CPE: variants seen among roughly 807,000 people sequenced by gnomAD.
CPE encodes the protein carboxypeptidase E.
CPE carries 17 observed loss-of-function variants against 53.5 expected under a neutral mutation model. The ratio of observed to expected loss-of-function variants is 0.32; its 90% confidence interval spans 0.22 to 0.48. The LOEUF (loss-of-function observed/expected upper bound fraction) is 0.48, where lower values mean the gene tolerates loss of function less well. Ranked by LOEUF, CPE falls within the 20% of genes least tolerant of loss-of-function variation. CPE has a pLI of 0.99. For synonymous variants in CPE, 226 were observed against 228.8 expected (o/e 0.99, Z 0.11); for missense variants, 524 against 614.7 (o/e 0.85, Z 1.56).
At chr4:165,485,932 T>C (rs1201704481) in intron 5 of CPE, among the ~76,000 whole-genome samples, 1 of 151,902 alleles carries the variant, frequency 6.6e-6, no homozygotes, top group African/African-American at 2.4e-5. Context: ...TGTAGGGAAG[T>C]GAGGGAAGCA....
chr4:165,421,235 G>A (rs1333864322), intron 1 of CPE, among the ~76,000 whole-genome samples: 1 of 152,130 alleles, frequency 6.6e-6, no homozygotes, highest in East Asian at 1.9e-4. Flanking sequence ...AGTAGGATTT[G>A]GAGTCTTCGT....
chr4:165,450,149 A>AT (rs1731784255), intron 1 of CPE, among the ~76,000 whole-genome samples: 1 of 152,100 alleles, frequency 6.6e-6, no homozygotes, highest in Admixed American at 6.6e-5. Context: ...TCTTAATATT[A>AT]TTTTTAGTTT....
chr4:165,386,582 G>A (rs917273217), intron 1 of CPE, among the ~76,000 whole-genome samples: 3 of 152,170 alleles, frequency 2.0e-5, no homozygotes, highest in African/African-American at 7.2e-5. Flanking sequence ...TTGCATAATG[G>A]AGAAATATAC....
chr4:165,406,990 G>A (rs1730964048), intron 1 of CPE, among the ~76,000 whole-genome samples: 4 of 152,152 alleles, frequency 2.6e-5, no homozygotes. Flanking sequence ...TTCATCAGTT[G>A]ATAGACATCT....
In CPE at chr4:165,480,113, A is replaced by G. The variant is rs1470216014; in HGVS notation, c.673-2129A>G. Among the ~76,000 whole-genome samples, 6 of 152,290 alleles carry G rather than the reference A, an allele frequency of 3.9e-5. No individual in the cohort carries two copies. The East Asian group carries it at 7.7e-4, about 20-fold the overall frequency. ...AAAAAACTTCTAGTTTTATTAGTTA[A>G]TTAAAATAATGCAAACTTTAAAAAT... On this transcript the variant is annotated intron_variant, in intron 3 of 8. Transcript: ENST00000402744.
chr4:165,381,135 CT>C (rs1730499718), intron 1 of CPE: 1 of 390,544 alleles, frequency 2.6e-6, no homozygotes, highest in South Asian at 1.9e-5. Context: ...TAATGTTTAA[CT>C]TTTTGTTGTT....
intron 1 of CPE, among the ~76,000 whole-genome samples, chr4:165,389,498 C>G (rs1457918412): frequency 1.3e-5 from 2 of 152,154 alleles, no homozygotes; most frequent in East Asian, 1.9e-4. Context: ...AACAGTTGGG[C>G]TAACTTTGCC....
At chr4:165,489,589 G>A (rs1732565782) in intron 6 of CPE, among the ~76,000 whole-genome samples, 2 of 152,148 alleles carry the variant, frequency 1.3e-5, no homozygotes, top group African/African-American at 2.4e-5. Context: ...TTGGAGCCGG[G>A]CTATAAGATT....
chr4:165,423,001 A>G (rs59831445), intron 1 of CPE, among the ~76,000 whole-genome samples: 40,522 of 143,022 alleles, frequency 0.28, 6,100 homozygotes, highest in Middle Eastern at 0.39. Flanking sequence ...AAAAAAAGAT[A>G]TACACTGGGT....
chr4:165,419,972 T>G (rs1389037225), intron 1 of CPE, among the ~76,000 whole-genome samples: 2 of 152,204 alleles, frequency 1.3e-5, no homozygotes, highest in Admixed American at 6.5e-5. Context: ...TGCCTTTTTT[T>G]CAAATATGAA....
chr4:165,439,900 T>A, intron 1 of CPE, among the ~76,000 whole-genome samples: 1 of 152,174 alleles, frequency 6.6e-6, no homozygotes, highest in Admixed American at 6.6e-5. Flanking sequence ...ACTCCCCAGA[T>A]CAGCTCGTGA....
intron 1 of CPE, among the ~76,000 whole-genome samples, chr4:165,457,407 C>G (rs1205205467): frequency 1.3e-5 from 2 of 152,210 alleles, no homozygotes; most frequent in East Asian, 1.9e-4. Flanking sequence ...CAAATACTTT[C>G]ATTTCAGAAA....
intron 1 of CPE, among the ~76,000 whole-genome samples, chr4:165,448,361 T>C (rs1487250540): frequency 1.3e-5 from 2 of 152,198 alleles, no homozygotes; most frequent in African/African-American, 4.8e-5. Context: ...CACAAGAACA[T>C]GCAAGAACAA....
chr4:165,423,102 C>T, intron 1 of CPE, among the ~76,000 whole-genome samples: 1 of 151,912 alleles, frequency 6.6e-6, no homozygotes, highest in East Asian at 1.9e-4. Context: ...GTAAGTCTTT[C>T]CAAAGGAAGC....
chr4:165,490,880 A>G (rs1440126973), intron 6 of CPE, among the ~76,000 whole-genome samples: 5 of 152,184 alleles, frequency 3.3e-5, no homozygotes, highest in African/African-American at 1.2e-4. Flanking sequence ...TGAAACTGAG[A>G]TGTCCTGGAA....
chr4:165,496,342 A>T (rs533895236), intron 8 of CPE, among the ~76,000 whole-genome samples: 3 of 152,352 alleles, frequency 2.0e-5, no homozygotes, highest in South Asian at 4.1e-4. Context: ...TGATTTATGC[A>T]AACAAAATAT....
intron 1 of CPE, among the ~76,000 whole-genome samples, chr4:165,407,820 T>C (rs1045810956): frequency 9.9e-5 from 15 of 151,984 alleles, no homozygotes; most frequent in Non-Finnish European, 1.9e-4. Context: ...CCTCCCAAAA[T>C]GTTGGGATTA....
intron 3 of CPE, among the ~76,000 whole-genome samples, chr4:165,471,948 C>T (rs1485754851): frequency 5.3e-5 from 8 of 152,162 alleles, no homozygotes; most frequent in Admixed American, 5.2e-4. Context: ...TGCACTTATG[C>T]AAATAACTGT....
chr4:165,475,538 A>G (rs1732283192), intron 3 of CPE, among the ~76,000 whole-genome samples: 1 of 152,236 alleles, frequency 6.6e-6, no homozygotes, highest in South Asian at 2.1e-4. Flanking sequence ...ATGTGACGTG[A>G]AAGCAAACAA....
Sources: gnomAD v4.1 joint callset for allele counts (sites outside exome capture counted in the v4.1 genomes callset) on GRCh38, gnomAD v4.1.1 for gene constraint, MANE v1.5 for transcripts, NCBI Gene and HGNC (gene_info 2026-07-23, HGNC 2026-07-21) for gene names.